TRIM2: variants seen among roughly 807,000 people sequenced by gnomAD.
TRIM2 encodes the protein tripartite motif containing 2.
TRIM2 carries 20 observed loss-of-function variants against 75.2 expected under a neutral mutation model. The observed-to-expected ratio is 0.27, with a 90% confidence interval of 0.19 to 0.39. The LOEUF is 0.39. Among genes scored for constraint, TRIM2 ranks in the 10% least tolerant of loss-of-function variants. TRIM2 has a pLI of 1.00. For missense variants in TRIM2, 660 were observed against 990.8 expected (o/e 0.67, Z 4.48); for synonymous variants, 373 against 388.3 (o/e 0.96, Z 0.46).
chr4:153,260,700 C>CA lies in TRIM2; in HGVS notation c.31-9635_31-9634insA, dbSNP rs1301070288. Among the ~76,000 whole-genome samples the CA allele has an allele frequency of 3.5e-4, 24 of 67,888 alleles. No homozygotes were observed. In the South Asian group the frequency reaches 3.5e-3, roughly 10 times the overall value. The allele number at this position is 67,888 out of a possible 152,430, so 44.5% of individuals were successfully genotyped here. On this transcript the variant is annotated intron_variant, in intron 1 of 11. Coordinates refer to ENST00000338700, the MANE Select transcript of TRIM2 (RefSeq NM_015271.5). ...CCCACCCACACACCCACCCCCCCCC[C>CA]CACACACACACACACACACACACAC...
At chr4:153,328,701 A>T (rs372930413) in intron 11 of TRIM2, 31 bp downstream of exon 11, 18 of 1,538,410 alleles carry the variant, frequency 1.2e-5, no homozygotes, top group Non-Finnish European at 1.6e-5. Context: ...ATATGGTTAG[A>T]GTGTTTGGTA....
Position 153,338,206 on chromosome 4 carries a change from T to A in TRIM2, c.*3240T>A. 1 of 985,884 alleles carries A rather than the reference T, an allele frequency of 1.0e-6. No homozygotes were observed. Among genetic ancestry groups the A allele is most frequent in the Non-Finnish European group, 1.2e-6 (1 of 829,940 alleles). The allele number at this position is 985,884 out of a possible 1,614,324, so 61.1% of individuals were successfully genotyped here. A position where few individuals can be genotyped will look rare whatever the true frequency, so the allele number is the denominator to read the frequency against. On this transcript the variant is annotated 3_prime_UTR_variant, in exon 12 of 12. Coordinates refer to ENST00000338700, the MANE Select transcript of TRIM2 (RefSeq NM_015271.5). The stretch of plus-strand genomic sequence containing the variant: ...ATAGCAGTACACTAGCAAGTATCTG[T>A]GAATCCTTAGCACTGACGGGTTAAC...
intron 1 of TRIM2, among the ~76,000 whole-genome samples, chr4:153,193,352 C>G (rs1460987571): frequency 6.6e-6 from 1 of 151,928 alleles, no homozygotes; most frequent in Non-Finnish European, 1.5e-5. Context: ...AGGATGGTCT[C>G]GATCTCCTGA....
intron 1 of TRIM2, among the ~76,000 whole-genome samples, chr4:153,219,509 C>A (rs1365338090): frequency 6.6e-6 from 1 of 152,186 alleles, no homozygotes; most frequent in East Asian, 1.9e-4. Context: ...TTCAGGCCCT[C>A]ATCTTCCACA....
In TRIM2 at chr4:153,335,578, C is replaced by T. The variant is rs1487923056; in HGVS notation, c.*612C>T. On this transcript the variant is annotated 3_prime_UTR_variant, in exon 12 of 12. Coordinates refer to ENST00000338700, the MANE Select transcript of TRIM2 (RefSeq NM_015271.5). ...TTAAGTATCAGTGCAAATTTCTCAA[C>T]CTTTCTGGGTTAGACAAAGATCCTT... 1 of 985,430 alleles carries T rather than the reference C, an allele frequency of 1.0e-6. No homozygotes were observed. Among genetic ancestry groups the T allele is most frequent in the South Asian group, 4.7e-5 (1 of 21,286 alleles). The allele number at this position is 985,430 out of a possible 1,614,324, so 61.0% of individuals were successfully genotyped here.
rs979349023 is a variant in TRIM2, at chr4:153,336,133, T to C, written c.*1167T>C. On this transcript the variant is annotated 3_prime_UTR_variant, in exon 12 of 12. Coordinates refer to ENST00000338700, the MANE Select transcript of TRIM2 (RefSeq NM_015271.5). ...AGAATGTATTATATATATATATATA[T>C]ACACACACACATATATATAGCTGAA... 619 of 964,312 alleles carry C rather than the reference T, an allele frequency of 6.4e-4. 3 individuals are homozygous for C. The highest frequency in any genetic ancestry group is 1.9e-3 in the Admixed American group (31 of 16,146). The allele number at this position is 964,312 out of a possible 1,614,324, so 59.7% of individuals were successfully genotyped here.
At chr4:153,284,181 GT>G (rs1560946942) in intron 3 of TRIM2, among the ~76,000 whole-genome samples, 1 of 149,844 alleles carries the variant, frequency 6.7e-6, no homozygotes, top group Non-Finnish European at 1.5e-5. Context: ...GCCTGGCCTG[GT>G]TTTTTTTGTT....
chr4:153,314,419 C>CAAAAAAAA (rs58410286), intron 6 of TRIM2, among the ~76,000 whole-genome samples: 3 of 58,896 alleles, frequency 5.1e-5, no homozygotes, highest in South Asian at 1.4e-3. Context: ...GACTCCGTCT[C>CAAAAAAAA]AAAAAAAAAA....
At position 153,293,041 on chromosome 4, in the gene TRIM2, G is replaced by A. The variant is rs1448422918; in HGVS notation, c.513G>A (p.Gly171=). 3.7e-6 allele frequency: 6 copies of A among 1,613,632 alleles called. No individual in the cohort carries two copies. Among genetic ancestry groups the A allele is most frequent in the Non-Finnish European group, 5.1e-6 (6 of 1,179,756 alleles). Residue 171 remains glycine, a synonymous_variant, in exon 4 of 12, where the codon GGG becomes GGA. Transcript: ENST00000338700. The part of the protein sequence containing the change: ...ETAMCRECTE[G]EHAEHPTVPL... ...CCATGTGTCGGGAGTGCACGGAGGGGGAGCACGCAGAGCACCCCACAGTTC... is the reference window on the plus strand; with the variant it reads ...CCATGTGTCGGGAGTGCACGGAGGGAGAGCACGCAGAGCACCCCACAGTTC...
At chr4:153,303,494 G>T (rs1228279603) in intron 6 of TRIM2, among the ~76,000 whole-genome samples, 1 of 150,168 alleles carries the variant, frequency 6.7e-6, no homozygotes, top group Non-Finnish European at 1.5e-5. Context: ...AAAAAAAAGA[G>T]TTCAACTTTC....
intron 5 of TRIM2, 102 bp downstream of exon 5, chr4:153,294,587 T>C (rs1451017735): frequency 3.5e-5 from 44 of 1,244,980 alleles, no homozygotes; most frequent in Non-Finnish European, 4.2e-5. Flanking sequence ...AGTGTCATCA[T>C]TGTATAGTAA....
chr4:153,286,925 G>C lies in TRIM2; in HGVS notation c.454-6057G>C, dbSNP rs546041219. Among the ~76,000 whole-genome samples the C allele has an allele frequency of 7.2e-5, 11 of 151,780 alleles. No homozygotes were observed. The South Asian group carries it at 2.1e-3, about 29-fold the overall frequency. On this transcript the variant is annotated intron_variant, in intron 3 of 11. Coordinates refer to ENST00000338700, the MANE Select transcript of TRIM2 (RefSeq NM_015271.5). The stretch of plus-strand genomic sequence containing the variant: ...CCACTCTAGCTCCCTTTTGGTTACA[G>C]TTTGCATGAAATATTTTTTTCATTC...
chr4:153,286,585 A>C (rs1009317263), intron 3 of TRIM2, among the ~76,000 whole-genome samples: 43 of 152,112 alleles, frequency 2.8e-4, no homozygotes, highest in African/African-American at 1.0e-3. Flanking sequence ...TGTCCATTTC[A>C]TCTAAGTTAT....
intron 1 of TRIM2, among the ~76,000 whole-genome samples, chr4:153,238,696 T>C (rs1348914804): frequency 6.6e-6 from 1 of 152,192 alleles, no homozygotes; most frequent in East Asian, 1.9e-4. Flanking sequence ...AGCCAAGAAA[T>C]GTAGCAATTC....
At chr4:153,333,281 G>C (rs1385962126) in intron 11 of TRIM2, among the ~76,000 whole-genome samples, 1 of 152,178 alleles carries the variant, frequency 6.6e-6, no homozygotes, top group Non-Finnish European at 1.5e-5. Flanking sequence ...CAAAATTATA[G>C]AGAAGGAAAA....
chr4:153,311,294 ACT>A (rs1766233267), intron 6 of TRIM2, among the ~76,000 whole-genome samples: 1 of 151,970 alleles, frequency 6.6e-6, no homozygotes, highest in South Asian at 2.1e-4. Context: ...AGGAAAACAG[ACT>A]CTTTTTGACT....
chr4:153,315,553 A>T lies in TRIM2; in HGVS notation c.1579A>T (p.Ile527Leu). The T allele has an allele frequency of 6.2e-7, 1 of 1,611,900 alleles. No individual in the cohort carries two copies. Among genetic ancestry groups the T allele is most frequent in the Middle Eastern group, 1.7e-4 (1 of 6,012 alleles). Residue 527 changes from isoleucine (I) to leucine (L), a missense_variant, in exon 7 of 12, where the codon ATA (isoleucine) becomes TTA (leucine). By Grantham distance (5) the Ile-to-Leu change is conservative (BLOSUM62 2). This residue lies in a region of TRIM2 where 620 missense variants were observed against 891.0 expected (regional missense o/e 0.70). Coordinates refer to ENST00000338700, the MANE Select transcript of TRIM2 (RefSeq NM_015271.5). Reference sequence around the variant, plus strand: ...GGTAGCTGCATCTACAAATGGAAAGATATTAATTGCAGACAGTAACAACCA... The same window carrying T: ...GGTAGCTGCATCTACAAATGGAAAGTTATTAATTGCAGACAGTAACAACCA... ...QGVAASTNGK[I>L]LIADSNNQCV...
intron 6 of TRIM2, chr4:153,309,815 A>T (rs368415312): frequency 1.7e-4 from 26 of 151,868 alleles, no homozygotes; most frequent in African/African-American, 6.1e-4. Context: ...AGTAGTAGGG[A>T]TGGGGTTTCA....
intron 2 of TRIM2, among the ~76,000 whole-genome samples, chr4:153,274,592 A>G (rs1002622557): frequency 6.6e-6 from 1 of 152,238 alleles, no homozygotes; most frequent in Non-Finnish European, 1.5e-5. Context: ...TGATGCTTGT[A>G]GCCACACCTG....
Sources: gnomAD v4.1 joint callset for allele counts (sites outside exome capture counted in the v4.1 genomes callset) on GRCh38, gnomAD v4.1.1 for gene constraint, gnomAD v4.1.1 regional missense constraint, MANE v1.5 for transcripts, NCBI Gene and HGNC (gene_info 2026-07-23, HGNC 2026-07-21) for gene names.